SLCO5A1: variants seen among roughly 807,000 people sequenced by gnomAD.
SLCO5A1 encodes solute carrier organic anion transporter family member 5A1.
A neutral mutation model predicts 65.1 loss-of-function variants in SLCO5A1; 39 were observed. The ratio of observed to expected loss-of-function variants is 0.60; its 90% CI spans 0.46 to 0.78. SLCO5A1 has a LOEUF of 0.78. Ranked by LOEUF, SLCO5A1 falls within the 30% of genes least tolerant of loss-of-function variation. The probability of loss-of-function intolerance (pLI) is 0.00; values close to 1 mark genes in which losing one functional copy is unlikely to be tolerated. For missense variants in SLCO5A1, 1,029 were observed against 1,069.4 expected (o/e 0.96, Z 0.53); for synonymous variants, 438 against 415.7 (o/e 1.05, Z -0.65).
chr8:69,796,819 C>T (rs948692389), intron 2 of SLCO5A1, among the ~76,000 whole-genome samples: 3 of 152,064 alleles, frequency 2.0e-5, no homozygotes, highest in African/African-American at 7.3e-5. Flanking sequence ...ACTAGATACC[C>T]TAAATCATCT....
chr8:69,675,114 CT>C (rs1813495987), intron 9 of SLCO5A1, among the ~76,000 whole-genome samples: 1 of 151,322 alleles, frequency 6.6e-6, no homozygotes, highest in African/African-American at 2.4e-5. Context: ...AACAAATCTC[CT>C]TATTTCTAAA....
At chr8:69,685,180 A>C (rs2130792374) in intron 6 of SLCO5A1, among the ~76,000 whole-genome samples, 1 of 152,380 alleles carries the variant, frequency 6.6e-6, no homozygotes, top group Non-Finnish European at 1.5e-5. Context: ...TGGTACACAC[A>C]CAAAAAGCTG....
At chr8:69,758,746 A>G (rs1817632678) in intron 3 of SLCO5A1, among the ~76,000 whole-genome samples, 1 of 152,238 alleles carries the variant, frequency 6.6e-6, no homozygotes, top group Non-Finnish European at 1.5e-5. Flanking sequence ...ATGATGCTAA[A>G]GAGGACTCTG....
Position 69,708,260 on chromosome 8 carries a change from G to A in SLCO5A1, c.1424-3031C>T, listed in dbSNP as rs57978649. On this transcript the variant is annotated intron_variant, in intron 5 of 9. Coordinates refer to ENST00000260126, the MANE Select transcript of SLCO5A1 (RefSeq NM_030958.3). Reference sequence around the variant, plus strand: ...CCATCTTTTGTAGCCATGTAATCATGCAGGCTTCCTAAACTTTCTAACTCA... The same window carrying A: ...CCATCTTTTGTAGCCATGTAATCATACAGGCTTCCTAAACTTTCTAACTCA... Among the ~76,000 whole-genome samples, 399 of 152,306 alleles carry A rather than the reference G, an allele frequency of 2.6e-3. 2 individuals are homozygous for A. The highest frequency in any genetic ancestry group is 9.0e-3 in the African/African-American group (375 of 41,562).
chr8:69,685,515 G>A (rs933811024), intron 6 of SLCO5A1, among the ~76,000 whole-genome samples: 2 of 152,220 alleles, frequency 1.3e-5, no homozygotes, highest in African/African-American at 4.8e-5. Context: ...CCAGATAAGA[G>A]AATCGTGTTA....
chr8:69,806,480 C>A (rs1819994292), intron 2 of SLCO5A1, among the ~76,000 whole-genome samples: 1 of 152,160 alleles, frequency 6.6e-6, no homozygotes, highest in Admixed American at 6.5e-5. Flanking sequence ...ACACTGTAGC[C>A]ATTGATCTTG....
chr8:69,747,230 C>G (rs752861435), intron 4 of SLCO5A1, among the ~76,000 whole-genome samples: 1 of 152,150 alleles, frequency 6.6e-6, no homozygotes, highest in Non-Finnish European at 1.5e-5. Context: ...CTCGTCATAT[C>G]ATCACTCAGA....
intron 5 of SLCO5A1, among the ~76,000 whole-genome samples, chr8:69,706,848 T>TA (rs1473765957): frequency 6.6e-6 from 1 of 152,114 alleles, no homozygotes. Context: ...TTTTTCACTG[T>TA]AAAAAAATAA....
Position 69,672,761 on chromosome 8 carries a change from G to A in SLCO5A1, c.*108C>T, listed in dbSNP as rs895853753. The A allele has an allele frequency of 2.5e-6, 3 of 1,214,242 alleles. No homozygotes were observed. The highest frequency in any genetic ancestry group is 5.6e-5 in the Admixed American group (2 of 35,878). 75.2% of individuals were successfully genotyped at this position (1,214,242 alleles called of 1,614,324 possible). ...ACTGAGTTTTGTTGGTTTGAGGATT[G>A]TGTCTGTAGAGGTTAAAAAAAAGAA... On this transcript the variant is annotated 3_prime_UTR_variant, in exon 10 of 10. Coordinates refer to ENST00000260126, the MANE Select transcript of SLCO5A1 (RefSeq NM_030958.3).
intron 5 of SLCO5A1, among the ~76,000 whole-genome samples, chr8:69,706,131 G>A (rs149526765): frequency 2.4e-3 from 364 of 152,240 alleles, no homozygotes; most frequent in African/African-American, 8.0e-3. Context: ...ACACAACTTC[G>A]TATGAAGAAT....
intron 2 of SLCO5A1, among the ~76,000 whole-genome samples, chr8:69,817,182 G>A (rs1820445162): frequency 6.6e-6 from 1 of 152,040 alleles, no homozygotes; most frequent in Non-Finnish European, 1.5e-5. Flanking sequence ...TTGGCCCCTG[G>A]CAACAACTAT....
chr8:69,773,560 G>A (rs1227922337), intron 2 of SLCO5A1, among the ~76,000 whole-genome samples: 1 of 152,146 alleles, frequency 6.6e-6, no homozygotes, highest in Non-Finnish European at 1.5e-5. Flanking sequence ...TCTTGGAAGT[G>A]GAAACAATTC....
intron 4 of SLCO5A1, among the ~76,000 whole-genome samples, chr8:69,744,288 A>C (rs761408564): frequency 6.6e-6 from 1 of 152,218 alleles, no homozygotes; most frequent in African/African-American, 2.4e-5. Flanking sequence ...CAGGCCTGTG[A>C]GAGCGGGCTG....
chr8:69,755,724 G>A (rs1268226316), intron 3 of SLCO5A1, 83 bp from the exon 4 acceptor site: 6 of 1,326,786 alleles, frequency 4.5e-6, no homozygotes, highest in Non-Finnish European at 5.1e-6. Flanking sequence ...AGTTTGTGGT[G>A]AAAAAATTTT....
chr8:69,680,274 C>T (rs1034476452), intron 7 of SLCO5A1, among the ~76,000 whole-genome samples: 18 of 152,168 alleles, frequency 1.2e-4, no homozygotes, highest in Non-Finnish European at 5.9e-5. Flanking sequence ...TAGTTTTTCA[C>T]ACCTCCCTCC....
intron 6 of SLCO5A1, among the ~76,000 whole-genome samples, chr8:69,700,713 G>A (rs13282862): frequency 0.11 from 16,890 of 151,846 alleles, 1,179 homozygotes; most frequent in Non-Finnish European, 0.16. Context: ...AAGAGCATTA[G>A]AAATTAGATG....
At position 69,832,677 on chromosome 8, in the gene SLCO5A1, G is replaced by T. The variant is rs3750267; in HGVS notation, c.-4C>A. The stretch of plus-strand genomic sequence containing the variant: ...GCAGTCCAGTGCCTTCGTCCATGGC[G>T]CTTAGAATTCAGATTTGATAGCTGA... On this transcript the variant is annotated 5_prime_UTR_variant, in exon 2 of 10. Coordinates refer to ENST00000260126, the MANE Select transcript of SLCO5A1 (RefSeq NM_030958.3). This position sits in a 1 kb window ranked among gnomAD's most constrained non-coding sequence, Gnocchi z 4.5. 2.5e-4 allele frequency: 395 copies of T among 1,585,746 alleles called. 3 individuals carry two copies. The East Asian group carries it at 8.0e-3, about 32-fold the overall frequency.
At position 69,684,093 on chromosome 8, in the gene SLCO5A1, T is replaced by C. The variant is rs534627525; in HGVS notation, c.1623-1750A>G. ...GCAAATAAATTCTGTTTTTCATTCA[T>C]GTCGCTCCATAGAAAAAAAGTATGA... On this transcript the variant is annotated intron_variant, in intron 6 of 9. Coordinates refer to ENST00000260126, the MANE Select transcript of SLCO5A1 (RefSeq NM_030958.3). 3.0e-4 allele frequency among the ~76,000 whole-genome samples: 45 copies of C among 152,132 alleles called. 1 individual carries two copies. Among genetic ancestry groups the C allele is most frequent in the Middle Eastern group, 3.4e-3 (1 of 294 alleles).
At chr8:69,785,555 G>A (rs1367456322) in intron 2 of SLCO5A1, among the ~76,000 whole-genome samples, 1 of 152,138 alleles carries the variant, frequency 6.6e-6, no homozygotes, top group East Asian at 1.9e-4. Context: ...AGTAAATCCT[G>A]CCAACAAGTT....
Sources: gnomAD v4.1 joint callset for allele counts (sites outside exome capture counted in the v4.1 genomes callset) on GRCh38, gnomAD v4.1.1 for gene constraint, Gnocchi (gnomAD v3.1) non-coding constraint, MANE v1.5 for transcripts, NCBI Gene and HGNC (gene_info 2026-07-23, HGNC 2026-07-21) for gene names.